Variants in OAS3 observed in about 807,000 individuals in gnomAD.
OAS3 encodes 2'-5'-oligoadenylate synthase 3.
In OAS3, 107 loss-of-function variants were observed where a neutral mutation model predicts 113.0. That is an observed-to-expected ratio of 0.95 (90% CI 0.81 to 1.11). The LOEUF is 1.11. Among genes scored for constraint, OAS3 ranks in the 50% most tolerant of loss-of-function variants. OAS3 has a pLI of 0.00. For synonymous variants in OAS3, 552 were observed against 573.6 expected (o/e 0.96, Z 0.54); for missense variants, 1,258 against 1,389.1 (o/e 0.91, Z 1.50).
Position 112,963,164 on chromosome 12 carries a change from T to C in OAS3, c.2085-149T>C, listed in dbSNP as rs2043903812. 5 of 1,053,790 alleles carry C rather than the reference T, an allele frequency of 4.7e-6. No homozygotes were observed. In the South Asian group the frequency reaches 5.0e-5, roughly 11 times the overall value. 65.3% of individuals were successfully genotyped at this position (1,053,790 alleles called of 1,614,324 possible). A position where few individuals can be genotyped will look rare whatever the true frequency, so the allele number is the denominator to read the frequency against. On this transcript the variant is annotated intron_variant, in intron 9 of 15. Transcript: ENST00000228928. The surrounding 1 kb of genome is among the most constrained non-coding windows in gnomAD (Gnocchi z 4.6). ...ATAGCTTTCCAACCAAGGCAGCCAA[T>C]TGAGATCGCTTCTGCACTTGGGCAA...
rs541361703 is a variant in OAS3, at chr12:112,963,262, C to T, written c.2085-51C>T. On this transcript the variant is annotated intron_variant, in intron 9 of 15. Coordinates refer to ENST00000228928, the MANE Select transcript of OAS3 (RefSeq NM_006187.4). The surrounding 1 kb of genome is among the most constrained non-coding windows in gnomAD (Gnocchi z 4.6). The stretch of plus-strand genomic sequence containing the variant: ...CCTTTTCAGCCCTTCCACCCGCCTC[C>T]TCTTTCACTGACTCCCACCTTCCCC... 4.0e-6 allele frequency: 6 copies of T among 1,513,672 alleles called. No homozygotes were observed. In the South Asian group the frequency reaches 7.8e-5, roughly 20 times the overall value. 93.8% of individuals were successfully genotyped at this position (1,513,672 alleles called of 1,614,324 possible).
chr12:112,949,003 C>T lies in OAS3; in HGVS notation c.1172C>T (p.Pro391Leu). Residue 391 changes from proline (P) to leucine (L), a missense_variant, in exon 6 of 16, where the codon CCC (proline) becomes CTC (leucine). By Grantham distance (98) the Pro-to-Leu change is moderately conservative (BLOSUM62 -3). Transcript: ENST00000228928. The stretch of plus-strand genomic sequence containing the variant: ...CCTCCCTCATGCCCAGCTCCTGGCC[C>T]CACTGGGGCAGCCAGCATCGTCCCC... ...SKPPSCPAPG[P>L]TGAASIVPSV... 1.2e-6 allele frequency: 2 copies of T among 1,614,046 alleles called. No homozygotes were observed. Among genetic ancestry groups the T allele is most frequent in the Non-Finnish European group, 1.7e-6 (2 of 1,179,898 alleles).
chr12:112,968,572 G>C (rs1019906177), intron 14 of OAS3, among the ~76,000 whole-genome samples: 39 of 152,334 alleles, frequency 2.6e-4, no homozygotes, highest in African/African-American at 9.4e-4. Flanking sequence ...GGAGTGCAAT[G>C]GCGCGATCTT....
At chr12:112,951,839 C>CAAAAA (rs3038125) in intron 7 of OAS3, among the ~76,000 whole-genome samples, 57 of 105,668 alleles carry the variant, frequency 5.4e-4, no homozygotes, top group East Asian at 3.5e-3. Flanking sequence ...ACTAAAAATA[C>CAAAAA]AAAAAAAAAA....
rs1266574398 is a variant in OAS3, at chr12:112,949,178, T to C, written c.1347T>C (p.Cys449=). ...DIILRCLHEN[C]VHKASRVSKG... is the part of the protein sequence containing the mutation. ...TCTTGCGCTGCCTCCATGAGAACTG[T>C]GTTCACAAGGCCTCAAGAGTCAGTA... The change falls in exon 6 of 16, where the codon TGT becomes TGC. Residue 449 remains cysteine, a synonymous_variant. Coordinates refer to ENST00000228928, the MANE Select transcript of OAS3 (RefSeq NM_006187.4). The C allele has an allele frequency of 6.2e-7, 1 of 1,612,654 alleles. No individual in the cohort carries two copies. Among genetic ancestry groups the C allele is most frequent in the Non-Finnish European group, 8.5e-7 (1 of 1,179,826 alleles).
Position 112,949,095 on chromosome 12 carries a change from G to A in OAS3, c.1264G>A (p.Asp422Asn). The change falls in exon 6 of 16, where the codon GAC (aspartate) becomes AAC (asparagine). Residue 422 changes from aspartate (D) to asparagine (N), a missense_variant. By Grantham distance (23) the Asp-to-Asn change is conservative (BLOSUM62 1). Transcript: ENST00000228928. The stretch of plus-strand genomic sequence containing the variant: ...CAAGGAGCTGGACCGCTTCATCCAG[G>A]ACCACCTGAAGCCGAGCCCCCAGTT... ...PTKELDRFIQ[D>N]HLKPSPQFQE... 1 of 1,613,962 alleles carries A rather than the reference G, an allele frequency of 6.2e-7. No individual in the cohort carries two copies. The highest frequency in any genetic ancestry group is 8.5e-7 in the Non-Finnish European group (1 of 1,179,886).
At chr12:112,943,996 A>T (rs2043704295) in intron 2 of OAS3, among the ~76,000 whole-genome samples, 1 of 152,226 alleles carries the variant, frequency 6.6e-6, no homozygotes, top group Admixed American at 6.5e-5. Flanking sequence ...CCAGGCCTGT[A>T]GTAAAAAATA....
chr12:112,944,898 A>G (rs1178649781), intron 3 of OAS3: 7 of 527,900 alleles, frequency 1.3e-5, no homozygotes, highest in Non-Finnish European at 2.0e-5. Flanking sequence ...ATAGTCTTCC[A>G]GTCTGTGTCT....
intron 6 of OAS3, among the ~76,000 whole-genome samples, chr12:112,950,097 T>C (rs1447552654): frequency 6.6e-6 from 1 of 152,216 alleles, no homozygotes; most frequent in Non-Finnish European, 1.5e-5. Context: ...CACTTAGCAT[T>C]TTCTCAGGAC....
At chr12:112,951,102 GA>G in intron 7 of OAS3, 127 bp downstream of exon 7, 12 of 846,024 alleles carry the variant, frequency 1.4e-5, no homozygotes, top group Non-Finnish European at 2.1e-5. Flanking sequence ...ACTACTTTGA[GA>G]TACTGAAAGT....
intron 7 of OAS3, among the ~76,000 whole-genome samples, chr12:112,958,727 C>T (rs1481481776): frequency 6.6e-6 from 1 of 152,242 alleles, no homozygotes; most frequent in African/African-American, 2.4e-5. Context: ...GAGGGGCACC[C>T]AGCCATATGA....
At chr12:112,969,586 T>G (rs149597379) in intron 14 of OAS3, 22 bp from the exon 15 acceptor site, 2 of 1,586,138 alleles carry the variant, frequency 1.3e-6, no homozygotes, top group Admixed American at 1.8e-5. Context: ...GGAATAAGAC[T>G]GTCCCTGGGT....
In OAS3 at chr12:112,941,564, G is replaced by C. The variant is rs200215757; in HGVS notation, c.178-6G>C. The C allele has an allele frequency of 3.6e-4, 575 of 1,609,702 alleles. 1 individual carries two copies. In the African/African-American group the frequency reaches 6.9e-3, roughly 19 times the overall value. ...ATGAAATTCTGAGTTATTTTTCTTT[G>C]CCCAGGGAGGCTCCTCGGGCCGGGG... On this transcript the variant is annotated splice_region_variant and splice_polypyrimidine_tract_variant and intron_variant, in intron 1 of 15. Transcript: ENST00000228928.
intron 14 of OAS3, among the ~76,000 whole-genome samples, chr12:112,968,655 G>C (rs2016831): frequency 0.78 from 118,852 of 152,132 alleles, 47,502 homozygotes; most frequent in African/African-American, 0.94. Context: ...GCTGGGACCA[G>C]AGGCGCATGC....
In OAS3 at chr12:112,938,561, C is replaced by T. The variant is rs767488344; in HGVS notation, c.31C>T (p.Leu11=). The T allele has an allele frequency of 9.3e-6, 15 of 1,610,126 alleles. No homozygotes were observed. The East Asian group carries it at 3.1e-4, about 34-fold the overall frequency. MDLYSTPAAA[L]DRFVARRLQP... ...CTTGTACAGCACCCCGGCCGCTGCG[C>T]TGGACAGGTTCGTGGCCAGAAGGCT... is the stretch of plus-strand genomic sequence containing the variant. The change falls in exon 1 of 16, where the codon CTG becomes TTG. Residue 11 remains leucine (L), a synonymous_variant. Transcript: ENST00000228928.
In OAS3 at chr12:112,939,550, G is replaced by A. The variant is rs117413521; in HGVS notation, c.177+843G>A. The stretch of plus-strand genomic sequence containing the variant: ...TGCCCAGGCTGGCCTGGAACTCCTG[G>A]GCTCAAGTGATCCACTTGCCTTGGC... On this transcript the variant is annotated intron_variant, in intron 1 of 15. Transcript: ENST00000228928. Among the ~76,000 whole-genome samples the A allele has an allele frequency of 1.8e-4, 28 of 152,156 alleles. No homozygotes were observed. In the East Asian group the frequency reaches 5.4e-3, roughly 29 times the overall value.
Position 112,938,521 on chromosome 12 carries a change from C to T in OAS3, c.-10C>T. The T allele has an allele frequency of 6.4e-7, 1 of 1,561,020 alleles. No homozygotes were observed. The highest frequency in any genetic ancestry group is 8.6e-7 in the Non-Finnish European group (1 of 1,157,100). ...AGCCCTGCTTCCCCTTGCACCTGCGCCGGGCGGCCATGGACTTGTACAGCA... is the reference window on the plus strand; with the variant it reads ...AGCCCTGCTTCCCCTTGCACCTGCGTCGGGCGGCCATGGACTTGTACAGCA... On this transcript the variant is annotated 5_prime_UTR_variant, in exon 1 of 16. Coordinates refer to ENST00000228928, the MANE Select transcript of OAS3 (RefSeq NM_006187.4).
Position 112,946,731 on chromosome 12 carries a change from G to A in OAS3, c.637-12G>A, listed in dbSNP as rs778705928. The A allele has an allele frequency of 6.3e-7, 1 of 1,595,548 alleles. No homozygotes were observed. The highest frequency in any genetic ancestry group is 2.3e-5 in the East Asian group (1 of 44,302). On this transcript the variant is annotated splice_polypyrimidine_tract_variant and intron_variant, in intron 3 of 15. Coordinates refer to ENST00000228928, the MANE Select transcript of OAS3 (RefSeq NM_006187.4). ...TCTTCCTTCTGAGTCCCCTGCCGAT[G>A]CCCTCTCACAGGTGTGCCTACAGGG...
At chr12:112,962,958 C>T in intron 9 of OAS3, 56 bp downstream of exon 9, 1 of 1,599,812 alleles carries the variant, frequency 6.3e-7, no homozygotes, top group Non-Finnish European at 8.5e-7. Context: ...CCCACTGTCA[C>T]CCTGGAGTCA....
Sources: allele counts gnomAD v4.1 joint callset (sites outside exome capture counted in the v4.1 genomes callset), GRCh38; gene constraint gnomAD v4.1.1; non-coding constraint Gnocchi (gnomAD v3.1); transcripts MANE v1.5; gene names NCBI Gene and HGNC (gene_info 2026-07-23, HGNC 2026-07-21).